The following GLRB variants were observed in gnomAD, a reference collection of about 807,000 sequenced individuals.
GLRB encodes glycine receptor subunit beta.
Under a neutral mutation model 54.2 loss-of-function variants are expected in GLRB, and 33 were observed. The observed-to-expected ratio is 0.61, with a 90% CI of 0.46 to 0.81. GLRB has a LOEUF of 0.81. GLRB is among the 40% of genes least tolerant of loss of function. GLRB has a pLI of 0.00. For synonymous variants in GLRB, 209 were observed against 208.2 expected, an observed-to-expected ratio of 1.00 and a Z score of -0.03; for missense variants, 572 against 584.6, an observed-to-expected ratio of 0.98 and a Z score of 0.22.
chr4:157,083,777 G>A (rs1293139990), intron 2 of GLRB, among the ~76,000 whole-genome samples: 2 of 151,986 alleles, frequency 1.3e-5, no homozygotes, highest in African/African-American at 2.4e-5. Flanking sequence ...TAATAATAAG[G>A]ATTTTAAAAT....
chr4:157,090,623 A>G (rs1313481089), intron 2 of GLRB, among the ~76,000 whole-genome samples: 1 of 152,220 alleles, frequency 6.6e-6, no homozygotes, highest in Non-Finnish European at 1.5e-5. Context: ...AAATCAGATC[A>G]TTGAACATTT....
At chr4:157,137,454 T>G (rs913809709) in intron 6 of GLRB, among the ~76,000 whole-genome samples, 5 of 151,916 alleles carry the variant, frequency 3.3e-5, no homozygotes, top group African/African-American at 1.2e-4. Flanking sequence ...GATGCTTATC[T>G]TTTGAAAATA....
intron 4 of GLRB, among the ~76,000 whole-genome samples, chr4:157,129,597 T>C (rs1394393786): frequency 6.6e-6 from 1 of 151,778 alleles, no homozygotes; most frequent in East Asian, 1.9e-4. Flanking sequence ...AAAGAATCTT[T>C]GAAGCACTTT....
intron 2 of GLRB, among the ~76,000 whole-genome samples, chr4:157,110,184 A>C (rs777344593): frequency 6.6e-6 from 1 of 152,106 alleles, no homozygotes; most frequent in East Asian, 1.9e-4. Flanking sequence ...ACTGCCAGTC[A>C]TCTTATTAGC....
intron 4 of GLRB, among the ~76,000 whole-genome samples, chr4:157,132,072 G>A (rs1056633834): frequency 1.5e-4 from 23 of 151,792 alleles, no homozygotes; most frequent in African/African-American, 5.5e-4. Flanking sequence ...GTTCGTTTTT[G>A]TCAGTGTTCT....
chr4:157,077,213 T>A (rs890582323), intron 1 of GLRB, among the ~76,000 whole-genome samples: 1 of 152,290 alleles, frequency 6.6e-6, no homozygotes, highest in African/African-American at 2.4e-5. Context: ...TGGTTCTGAT[T>A]TGAGCATGAA....
At chr4:157,130,591 C>T (rs964759899) in intron 4 of GLRB, among the ~76,000 whole-genome samples, 1 of 151,370 alleles carries the variant, frequency 6.6e-6, no homozygotes, top group Admixed American at 6.6e-5. Context: ...TTTTTATGGC[C>T]AAATAATATT....
At chr4:157,153,088 T>A in intron 9 of GLRB, 78 bp downstream of exon 9, 1 of 1,214,566 alleles carries the variant, frequency 8.2e-7, no homozygotes, top group Non-Finnish European at 1.2e-6. Context: ...TTTGTGTATG[T>A]GACAAGTTTT....
intron 2 of GLRB, among the ~76,000 whole-genome samples, chr4:157,104,764 C>A (rs1735159610): frequency 6.6e-6 from 1 of 151,850 alleles, no homozygotes; most frequent in Non-Finnish European, 1.5e-5. Flanking sequence ...TTTTCTGTTT[C>A]TTTATGATTC....
chr4:157,115,882 T>C (rs1045369191), intron 2 of GLRB, among the ~76,000 whole-genome samples: 1 of 151,808 alleles, frequency 6.6e-6, no homozygotes, highest in African/African-American at 2.4e-5. Flanking sequence ...CTTACTACAT[T>C]CAGGTCTGAG....
At chr4:157,122,794 C>T (rs1212183240) in intron 4 of GLRB, among the ~76,000 whole-genome samples, 1 of 151,598 alleles carries the variant, frequency 6.6e-6, no homozygotes, top group Admixed American at 6.6e-5. Context: ...GAGGAGAATC[C>T]TTGTTTTACC....
intron 8 of GLRB, among the ~76,000 whole-genome samples, chr4:157,144,392 C>A (rs981899532): frequency 6.6e-6 from 1 of 152,206 alleles, no homozygotes. Flanking sequence ...ATGTAACCAT[C>A]ATTTTCCCAA....
At chr4:157,103,511 T>C (rs895809456) in intron 2 of GLRB, among the ~76,000 whole-genome samples, 12 of 152,206 alleles carry the variant, frequency 7.9e-5, no homozygotes, top group African/African-American at 2.7e-4. Flanking sequence ...TTCTCAAGAT[T>C]GTTTGGCTGT....
At chr4:157,142,579 G>A (rs1404457199) in intron 7 of GLRB, among the ~76,000 whole-genome samples, 1 of 152,040 alleles carries the variant, frequency 6.6e-6, no homozygotes, top group Non-Finnish European at 1.5e-5. Context: ...ACTGCTGTAG[G>A]TGCTATTAAT....
At chr4:157,091,249 A>G in intron 2 of GLRB, 1 of 152,204 alleles carries the variant, frequency 6.6e-6, no homozygotes, top group Non-Finnish European at 1.5e-5. Context: ...CAACATTAAA[A>G]AGATGTTAAG....
At chr4:157,100,640 A>G (rs375132989) in intron 2 of GLRB, among the ~76,000 whole-genome samples, 2 of 152,182 alleles carry the variant, frequency 1.3e-5, no homozygotes, top group East Asian at 3.9e-4. Context: ...TTTCACTGAC[A>G]TAGTATGGAC....
rs1457657327 is a variant in GLRB at position 157,122,365 on chromosome 4, A to T, written c.265A>T (p.Asn89Tyr). The change falls in exon 4 of 10, where the codon AAC (asparagine) becomes TAC (tyrosine). Residue 89 changes from asparagine to tyrosine, a missense_variant. Physicochemically the swap from Asn to Tyr is moderately radical, Grantham distance 143 (BLOSUM62 -2). Transcript: ENST00000264428. Reference sequence around the variant, plus strand: ...TGATGTAGTAGTCAACATTTTTATTAACAGTTTTGGATCCATTCAAGAAAC... The same window carrying T: ...TGATGTAGTAGTCAACATTTTTATTTACAGTTTTGGATCCATTCAAGAAAC... ...PVDVVVNIFI[N>Y]SFGSIQETTM... 1 of 1,317,644 alleles carries T rather than the reference A, an allele frequency of 7.6e-7. No individual in the cohort carries two copies. Among genetic ancestry groups the T allele is most frequent in the South Asian group, 1.3e-5 (1 of 79,108 alleles). 81.6% of individuals were successfully genotyped at this position (1,317,644 alleles called of 1,614,324 possible).
chr4:157,151,590 TAG>T (rs1478704913), intron 8 of GLRB, among the ~76,000 whole-genome samples: 1 of 152,112 alleles, frequency 6.6e-6, no homozygotes. Flanking sequence ...TTCCTTCTAA[TAG>T]AGAGTATCTT....
At chr4:157,121,376 A>G (rs1030718621) in intron 3 of GLRB, among the ~76,000 whole-genome samples, 1 of 151,524 alleles carries the variant, frequency 6.6e-6, no homozygotes, top group Non-Finnish European at 1.5e-5. Flanking sequence ...TATGAAAAAC[A>G]TCTCCTCTGG....
Sources: gnomAD v4.1 joint callset for allele counts (sites outside exome capture counted in the v4.1 genomes callset) on GRCh38, gnomAD v4.1.1 for gene constraint, MANE v1.5 for transcripts, NCBI Gene and HGNC (gene_info 2026-07-23, HGNC 2026-07-21) for gene names.